The following PPP3CB variants were observed in gnomAD, a reference collection of about 807,000 sequenced individuals.
PPP3CB encodes the protein serine/threonine-protein phosphatase 2B catalytic subunit beta isoform.
In PPP3CB, 8 loss-of-function variants were observed where a neutral mutation model predicts 66.4. That is an observed-to-expected ratio of 0.12 (90% CI 0.07 to 0.22). PPP3CB has a LOEUF of 0.22. Among genes scored for constraint, PPP3CB ranks in the 10% least tolerant of loss-of-function variants. The pLI is 1.00. For missense variants in PPP3CB, 319 were observed against 642.5 expected, an observed-to-expected ratio of 0.50 and a Z score of 5.44; for synonymous variants, 208 against 221.2, an observed-to-expected ratio of 0.94 and a Z score of 0.53.
At chr10:73,477,020 G>T in intron 3 of PPP3CB, 2 of 387,508 alleles carry the variant, frequency 5.2e-6, no homozygotes, top group Non-Finnish European at 5.0e-6. Flanking sequence ...GTATCTACTA[G>T]GGAAGGTGGT....
intron 8 of PPP3CB, among the ~76,000 whole-genome samples, chr10:73,470,239 A>G (rs2056681722): frequency 6.6e-6 from 1 of 152,212 alleles, no homozygotes; most frequent in African/African-American, 2.4e-5. Context: ...AAGACTGTGG[A>G]GGTAAAAGAA....
intron 9 of PPP3CB, among the ~76,000 whole-genome samples, chr10:73,461,061 C>A (rs1002716471): frequency 6.6e-6 from 1 of 152,256 alleles, no homozygotes; most frequent in Admixed American, 6.5e-5. Flanking sequence ...AGCTTGCAAC[C>A]TCAGTGTGGA....
intron 3 of PPP3CB, chr10:73,477,330 T>C (rs2056807045): frequency 4.2e-6 from 2 of 470,760 alleles, no homozygotes; most frequent in African/African-American, 2.0e-5. Flanking sequence ...GATGTATGAA[T>C]AATATGACTC....
chr10:73,483,985 A>C (rs1234024298), intron 1 of PPP3CB, among the ~76,000 whole-genome samples: 1 of 151,792 alleles, frequency 6.6e-6, no homozygotes, highest in Non-Finnish European at 1.5e-5. Context: ...CGCTACTAAA[A>C]ACACAAAAAT....
intron 1 of PPP3CB, among the ~76,000 whole-genome samples, chr10:73,491,595 C>T (rs2057079128): frequency 6.6e-6 from 1 of 152,190 alleles, no homozygotes; most frequent in Non-Finnish European, 1.5e-5. Flanking sequence ...ATTCAAGCTG[C>T]TTTAAAATAT....
In PPP3CB at chr10:73,479,252, T is replaced by C. The variant is rs1365465731; in HGVS notation, c.286+65A>G. 10 of 1,411,932 alleles carry C rather than the reference T, an allele frequency of 7.1e-6. No individual in the cohort carries two copies. The Admixed American group carries it at 8.5e-5, about 12-fold the overall frequency. The allele number at this position is 1,411,932 out of a possible 1,614,324, so 87.5% of individuals were successfully genotyped here. Reference sequence around the variant, plus strand: ...ATACAGTATCATTGAAAACAGTAAGTTGTAAATCCAGGCAACTAAATAATG... The same window carrying C: ...ATACAGTATCATTGAAAACAGTAAGCTGTAAATCCAGGCAACTAAATAATG... On this transcript the variant is annotated intron_variant, in intron 2 of 13. Coordinates refer to ENST00000360663, the MANE Select transcript of PPP3CB (RefSeq NM_021132.4).
At chr10:73,460,329 AATGTT>A (rs1296729012) in intron 9 of PPP3CB, among the ~76,000 whole-genome samples, 1 of 151,858 alleles carries the variant, frequency 6.6e-6, no homozygotes, top group Non-Finnish European at 1.5e-5. Context: ...AGATGAGAGA[AATGTT>A]ATTTATTTAA....
At chr10:73,471,657 G>T in intron 4 of PPP3CB, 44 bp from the exon 5 acceptor site, 3 of 1,441,034 alleles carry the variant, frequency 2.1e-6, no homozygotes, top group South Asian at 1.3e-5. Flanking sequence ...TACTGGTGGT[G>T]GTGTGACCAT....
At chr10:73,488,389 T>C (rs903032958) in intron 1 of PPP3CB, among the ~76,000 whole-genome samples, 2 of 151,636 alleles carry the variant, frequency 1.3e-5, no homozygotes, top group African/African-American at 4.8e-5. Context: ...CCATAAAAAA[T>C]AAACAAAATT....
In PPP3CB at chr10:73,454,438, A is replaced by G; in HGVS notation, c.1160T>C (p.Met387Thr). 1 of 1,612,144 alleles carries G rather than the reference A, an allele frequency of 6.2e-7. No homozygotes were observed. The highest frequency in any genetic ancestry group is 1.1e-5 in the South Asian group (1 of 90,762). Residue 387 changes from methionine (M) to threonine (T), a missense_variant, in exon 10 of 14, where the codon ATG becomes ACG. Transcript: ENST00000360663. ...VLSICSDDEL[M>T]TEGEDQFDGS... ...ATCAAACTGGTCTTCACCTTCAGTC[A>G]TTAGTTCATCATCAGAGCAAATACT...
chr10:73,444,896 G>T (rs2056221730), intron 11 of PPP3CB, 74 bp from the exon 12 acceptor site: 1 of 1,386,664 alleles, frequency 7.2e-7, no homozygotes, highest in Admixed American at 2.2e-5. Context: ...ATAGGGTCTA[G>T]ATATAGGCCA....
At chr10:73,440,576 C>G (rs2056127193) in intron 12 of PPP3CB, among the ~76,000 whole-genome samples, 2 of 152,310 alleles carry the variant, frequency 1.3e-5, no homozygotes, top group South Asian at 4.1e-4. Context: ...CTACCAGTAA[C>G]TTCCTTTCTA....
At chr10:73,470,837 T>C (rs1436178624) in intron 7 of PPP3CB, 50 bp downstream of exon 7, 7 of 1,588,990 alleles carry the variant, frequency 4.4e-6, no homozygotes, top group African/African-American at 1.3e-5. Flanking sequence ...GTTACTAAGT[T>C]TGATTTATAT....
chr10:73,487,581 A>AC lies in PPP3CB; in HGVS notation c.86-8065_86-8064insG, dbSNP rs1314797231. Among the ~76,000 whole-genome samples, 16 of 151,032 alleles carry AC rather than the reference A, an allele frequency of 1.1e-4. No individual in the cohort carries two copies. In the East Asian group the frequency reaches 1.5e-3, roughly 15 times the overall value. On this transcript the variant is annotated intron_variant, in intron 1 of 13. Coordinates refer to ENST00000360663, the MANE Select transcript of PPP3CB (RefSeq NM_021132.4). ...ACCAAAACCAAAAAAAAAAAAAAAA[A>AC]AAACAAACAGGAAAAACATAGGTAT... is the stretch of plus-strand genomic sequence containing the variant.
At chr10:73,473,419 C>T (rs1206195186) in intron 4 of PPP3CB, among the ~76,000 whole-genome samples, 2 of 152,092 alleles carry the variant, frequency 1.3e-5, no homozygotes, top group Admixed American at 6.5e-5. Context: ...TTTGGGAGGA[C>T]GAGGCAGGTG....
chr10:73,474,808 C>T lies in PPP3CB; in HGVS notation c.523+111G>A, dbSNP rs943371260. ...CTTTCCTCAAAGCTTTATGTGTGGACATGAAATCTGTCCTTACATGTTGCA... is the reference window on the plus strand; with the variant it reads ...CTTTCCTCAAAGCTTTATGTGTGGATATGAAATCTGTCCTTACATGTTGCA... On this transcript the variant is annotated intron_variant, in intron 4 of 13. Coordinates refer to ENST00000360663, the MANE Select transcript of PPP3CB (RefSeq NM_021132.4). 4.2e-6 allele frequency: 6 copies of T among 1,421,174 alleles called. No individual in the cohort carries two copies. In the African/African-American group the frequency reaches 8.7e-5, roughly 21 times the overall value. The allele number at this position is 1,421,174 out of a possible 1,614,324, so 88.0% of individuals were successfully genotyped here.
chr10:73,481,825 T>C (rs527585148), intron 1 of PPP3CB, among the ~76,000 whole-genome samples: 2 of 151,906 alleles, frequency 1.3e-5, no homozygotes, highest in African/African-American at 4.8e-5. Context: ...ATTTGCTATC[T>C]AGTAAAATAA....
chr10:73,463,415 C>G (rs541005738), intron 9 of PPP3CB, among the ~76,000 whole-genome samples: 1 of 152,342 alleles, frequency 6.6e-6, no homozygotes, highest in South Asian at 2.1e-4. Flanking sequence ...TGATCAATAT[C>G]CTCATGATCT....
chr10:73,479,911 C>A (rs1003901435), intron 1 of PPP3CB, among the ~76,000 whole-genome samples: 1 of 152,086 alleles, frequency 6.6e-6, no homozygotes, highest in South Asian at 2.1e-4. Flanking sequence ...TCTGTAATCA[C>A]GACTACTTCG....
Sources: allele counts gnomAD v4.1 joint callset (sites outside exome capture counted in the v4.1 genomes callset), GRCh38; gene constraint gnomAD v4.1.1; transcripts MANE v1.5; gene names NCBI Gene and HGNC (gene_info 2026-07-23, HGNC 2026-07-21).